NCAM2: variants seen among roughly 807,000 people sequenced by gnomAD.
The protein encoded by NCAM2 is N-CAM-2.
A neutral mutation model predicts 98.1 loss-of-function variants in NCAM2; 30 were observed. The observed-to-expected ratio is 0.31, with a 90% CI of 0.23 to 0.41. The LOEUF (loss-of-function observed/expected upper bound fraction) is 0.41, where lower values mean the gene tolerates loss of function less well. Among genes scored for constraint, NCAM2 ranks in the 10% least tolerant of loss-of-function variants. The probability of loss-of-function intolerance (pLI) is 1.00; values close to 1 mark genes in which losing one functional copy is unlikely to be tolerated. For missense variants in NCAM2, 867 were observed against 1,005.8 expected (o/e 0.86, Z 1.87); for synonymous variants, 368 against 342.4 (o/e 1.07, Z -0.83).
intron 5 of NCAM2, among the ~76,000 whole-genome samples, chr21:21,315,602 G>T (rs1260664833): frequency 6.6e-6 from 1 of 152,160 alleles, no homozygotes; most frequent in African/African-American, 2.4e-5. Context: ...TGTTGACATT[G>T]TCACTGCCAG....
intron 9 of NCAM2, among the ~76,000 whole-genome samples, chr21:21,404,789 T>A (rs1404884996): frequency 1.3e-5 from 2 of 151,796 alleles, no homozygotes; most frequent in Admixed American, 1.3e-4. Flanking sequence ...CCCACTCGTA[T>A]GTACATATAT....
At chr21:21,503,165 C>T (rs1344864391) in intron 15 of NCAM2, among the ~76,000 whole-genome samples, 1 of 151,888 alleles carries the variant, frequency 6.6e-6, no homozygotes, top group Non-Finnish European at 1.5e-5. Context: ...ATGCCTGAAA[C>T]CTTTGATCGT....
intron 1 of NCAM2, among the ~76,000 whole-genome samples, chr21:21,053,396 A>G (rs574086712): frequency 1.3e-5 from 2 of 152,094 alleles, no homozygotes; most frequent in East Asian, 1.9e-4. Context: ...TTTATTACCA[A>G]TACTGATGAA....
At chr21:21,348,412 T>C (rs1369144367) in intron 8 of NCAM2, among the ~76,000 whole-genome samples, 1 of 152,054 alleles carries the variant, frequency 6.6e-6, no homozygotes, top group Non-Finnish European at 1.5e-5. Context: ...GTATCTATAA[T>C]GAAAACTTTG....
At chr21:21,274,672 A>G (rs923317911) in intron 1 of NCAM2, among the ~76,000 whole-genome samples, 3 of 152,208 alleles carry the variant, frequency 2.0e-5, no homozygotes, top group Non-Finnish European at 4.4e-5. Context: ...GAGATTTTCT[A>G]TAATTACTAA....
intron 9 of NCAM2, among the ~76,000 whole-genome samples, chr21:21,379,211 C>A (rs1027916278): frequency 7.2e-5 from 11 of 152,070 alleles, no homozygotes; most frequent in African/African-American, 2.6e-4. Context: ...AGAGTGTTAG[C>A]TTTCCATTTT....
intron 1 of NCAM2, among the ~76,000 whole-genome samples, chr21:21,146,742 C>T (rs938887986): frequency 2.6e-5 from 4 of 151,968 alleles, no homozygotes; most frequent in South Asian, 2.1e-4. Context: ...ATTCATGCTA[C>T]GGGTTTTAAA....
At chr21:21,110,695 A>G (rs919569685) in intron 1 of NCAM2, among the ~76,000 whole-genome samples, 4 of 151,674 alleles carry the variant, frequency 2.6e-5, no homozygotes, top group African/African-American at 7.3e-5. Flanking sequence ...TATTAAAACA[A>G]TTATTTGGAG....
intron 12 of NCAM2, among the ~76,000 whole-genome samples, chr21:21,452,942 A>AT (rs1374286979): frequency 1.1e-5 from 1 of 94,536 alleles, no homozygotes; most frequent in Non-Finnish European, 1.8e-5. Context: ...TATATAATAT[A>AT]ATTTATACTA....
intron 1 of NCAM2, chr21:21,239,450 T>G (rs1389802637): frequency 6.6e-6 from 1 of 152,184 alleles, no homozygotes; most frequent in Non-Finnish European, 1.5e-5. Flanking sequence ...ATAAAAATTA[T>G]CTCCCTTTAA....
At chr21:21,101,295 G>A (rs2066235492) in intron 1 of NCAM2, among the ~76,000 whole-genome samples, 1 of 151,986 alleles carries the variant, frequency 6.6e-6, no homozygotes, top group African/African-American at 2.4e-5. Context: ...ATGGAAAAAT[G>A]TAAAAATACA....
At chr21:21,428,651 C>T (rs1287510660) in intron 11 of NCAM2, among the ~76,000 whole-genome samples, 2 of 152,064 alleles carry the variant, frequency 1.3e-5, no homozygotes, top group South Asian at 2.1e-4. Context: ...GAAATAGATA[C>T]AAGAATTATA....
intron 1 of NCAM2, among the ~76,000 whole-genome samples, chr21:21,050,773 G>A (rs1485496167): frequency 2.6e-5 from 4 of 152,096 alleles, no homozygotes; most frequent in Admixed American, 6.6e-5. Context: ...ATACGCCTGC[G>A]TGATTATAAG....
chr21:21,317,668 G>A (rs2074258956), intron 5 of NCAM2, among the ~76,000 whole-genome samples: 1 of 151,928 alleles, frequency 6.6e-6, no homozygotes, highest in Non-Finnish European at 1.5e-5. Flanking sequence ...AAATAGCTGG[G>A]AGTACAGGCA....
intron 1 of NCAM2, among the ~76,000 whole-genome samples, chr21:21,159,096 A>C (rs4336025): frequency 0.47 from 70,933 of 151,800 alleles, 17,342 homozygotes; most frequent in South Asian, 0.61. Context: ...TTTGTGTCTT[A>C]GTTTTTAAGA....
chr21:21,432,939 G>A (rs1290537449), intron 12 of NCAM2, among the ~76,000 whole-genome samples: 1 of 152,128 alleles, frequency 6.6e-6, no homozygotes, highest in Non-Finnish European at 1.5e-5. Context: ...TGTTCCAAAA[G>A]GGAAGCATAA....
chr21:21,274,128 G>T (rs2072631977), intron 1 of NCAM2, among the ~76,000 whole-genome samples: 1 of 150,954 alleles, frequency 6.6e-6, no homozygotes, highest in South Asian at 2.1e-4. Flanking sequence ...TCGCACCATT[G>T]CACTCCAGCC....
chr21:21,149,882 G>C (rs2067396609), intron 1 of NCAM2, among the ~76,000 whole-genome samples: 1 of 152,082 alleles, frequency 6.6e-6, no homozygotes, highest in African/African-American at 2.4e-5. Flanking sequence ...ACATACATGT[G>C]CCTGTTTCTT....
At chr21:21,498,198 A>G (rs971663475) in intron 15 of NCAM2, among the ~76,000 whole-genome samples, 4 of 152,158 alleles carry the variant, frequency 2.6e-5, no homozygotes, top group African/African-American at 9.7e-5. Flanking sequence ...GGCCACACAC[A>G]ATCCATAAGC....
Sources: gnomAD v4.1 joint callset for allele counts (sites outside exome capture counted in the v4.1 genomes callset) on GRCh38, gnomAD v4.1.1 for gene constraint, MANE v1.5 for transcripts, NCBI Gene and HGNC (gene_info 2026-07-23, HGNC 2026-07-21) for gene names.